PABPC4L: variants seen among roughly 807,000 people sequenced by gnomAD.
PABPC4L encodes the protein polyadenylate-binding protein 4-like.
For missense variants in PABPC4L, 452 were observed against 451.4 expected (o/e 1.00, Z -0.01); for synonymous variants, 169 against 164.1 (o/e 1.03, Z -0.23).
chr4:134,071,161 G>C, the PABPC4L span, among the ~76,000 whole-genome samples: 2 of 152,278 alleles, frequency 1.3e-5, no homozygotes, highest in South Asian at 2.1e-4. Context: ...CTCAACTCCT[G>C]TTCAGCTCAT....
At chr4:133,984,714 A>T in the PABPC4L span, among the ~76,000 whole-genome samples, 1 of 151,918 alleles carries the variant, frequency 6.6e-6, no homozygotes, top group Non-Finnish European at 1.5e-5. Flanking sequence ...CCATTCTTTC[A>T]TATAGCTTTG....
the PABPC4L span, among the ~76,000 whole-genome samples, chr4:134,086,427 T>C: frequency 6.6e-6 from 1 of 152,172 alleles, no homozygotes; most frequent in African/African-American, 2.4e-5. Flanking sequence ...AGATTTAAGC[T>C]GTCCTTGAGA....
the PABPC4L span, among the ~76,000 whole-genome samples, chr4:133,952,270 G>A: frequency 9.2e-5 from 14 of 152,100 alleles, no homozygotes; most frequent in Admixed American, 6.6e-4. Flanking sequence ...TCCCAGTTAT[G>A]AGATTTTCCT....
chr4:134,144,586 A>G, the PABPC4L span, among the ~76,000 whole-genome samples: 4 of 151,568 alleles, frequency 2.6e-5, 1 homozygote, highest in Admixed American at 2.6e-4. Context: ...GGTTAAAAAA[A>G]AAAAAAAAAC....
the PABPC4L span, among the ~76,000 whole-genome samples, chr4:134,187,503 T>G: frequency 2.5e-5 from 3 of 117,666 alleles, no homozygotes; most frequent in Admixed American, 1.2e-4. Flanking sequence ...TGAGAACACT[T>G]GGACACAGGG....
At chr4:133,949,988 T>C in the PABPC4L span, among the ~76,000 whole-genome samples, 1 of 152,128 alleles carries the variant, frequency 6.6e-6, no homozygotes, top group Non-Finnish European at 1.5e-5. Flanking sequence ...TTTGGAGACA[T>C]TTTGTCCAAG....
At chr4:134,167,106 G>A in the PABPC4L span, among the ~76,000 whole-genome samples, 1 of 152,120 alleles carries the variant, frequency 6.6e-6, no homozygotes, top group African/African-American at 2.4e-5. Flanking sequence ...CACTGAAACT[G>A]CTCTGTGTGA....
chr4:133,966,674 G>A, the PABPC4L span, among the ~76,000 whole-genome samples: 1 of 152,122 alleles, frequency 6.6e-6, no homozygotes, highest in South Asian at 2.1e-4. Context: ...GGATGAGACT[G>A]GAGACTATTA....
At chr4:134,162,963 A>C in the PABPC4L span, among the ~76,000 whole-genome samples, 4 of 152,264 alleles carry the variant, frequency 2.6e-5, no homozygotes, top group Non-Finnish European at 5.9e-5. Flanking sequence ...GAACTATAGA[A>C]ACAATAACAA....
At chr4:134,160,008 A>T in the PABPC4L span, among the ~76,000 whole-genome samples, 1 of 152,192 alleles carries the variant, frequency 6.6e-6, no homozygotes, top group Non-Finnish European at 1.5e-5. Context: ...TGGTGTTTAT[A>T]GACCCACCCT....
At chr4:134,059,141 G>A in the PABPC4L span, among the ~76,000 whole-genome samples, 1 of 151,756 alleles carries the variant, frequency 6.6e-6, no homozygotes, top group South Asian at 2.1e-4. Flanking sequence ...CCCAAATCCA[G>A]GTAACTAGTA....
chr4:134,157,614 T>A, the PABPC4L span, among the ~76,000 whole-genome samples: 2 of 151,866 alleles, frequency 1.3e-5, no homozygotes, highest in East Asian at 3.9e-4. Flanking sequence ...AATATTGTTT[T>A]TAAATTTATG....
chr4:134,179,363 G>T, the PABPC4L span, among the ~76,000 whole-genome samples: 1 of 152,260 alleles, frequency 6.6e-6, no homozygotes, highest in East Asian at 1.9e-4. Flanking sequence ...CAGCAGATCT[G>T]CCTTACAAGA....
At chr4:134,184,942 C>A in the PABPC4L span, among the ~76,000 whole-genome samples, 1 of 152,002 alleles carries the variant, frequency 6.6e-6, no homozygotes, top group Non-Finnish European at 1.5e-5. Context: ...CTACTTACAG[C>A]TGTTCATATG....
chr4:134,013,320 C>T, the PABPC4L span, among the ~76,000 whole-genome samples: 19 of 151,954 alleles, frequency 1.3e-4, no homozygotes, highest in East Asian at 3.9e-4. Flanking sequence ...TTCCACACCG[C>T]GACCCCTTCT....
chr4:133,969,193 A>G, the PABPC4L span, among the ~76,000 whole-genome samples: 1 of 152,204 alleles, frequency 6.6e-6, no homozygotes, highest in Non-Finnish European at 1.5e-5. Context: ...AGCTTTGTGC[A>G]TGTTTCTCTA....
At chr4:134,180,943 C>T in the PABPC4L span, among the ~76,000 whole-genome samples, 47,633 of 151,530 alleles carry the variant, frequency 0.31, 9,312 homozygotes, top group East Asian at 0.97. Context: ...CCCACTTCTA[C>T]GAGATAAATA....
the PABPC4L span, among the ~76,000 whole-genome samples, chr4:134,107,363 C>T: frequency 1.4e-4 from 21 of 150,862 alleles, no homozygotes; most frequent in African/African-American, 4.8e-4. Context: ...TTACATTTAC[C>T]TTATTAATTT....
At chr4:133,963,843 T>C in the PABPC4L span, among the ~76,000 whole-genome samples, 1 of 152,106 alleles carries the variant, frequency 6.6e-6, no homozygotes, top group Non-Finnish European at 1.5e-5. Context: ...AGAGGAAACT[T>C]GATAGCCCTA....
Sources: allele counts gnomAD v4.1 joint callset (sites outside exome capture counted in the v4.1 genomes callset), GRCh38; gene constraint gnomAD v4.1.1; transcripts MANE v1.5; gene names NCBI Gene and HGNC (gene_info 2026-07-23, HGNC 2026-07-21).